Variants in EHMT1 observed in about 807,000 individuals in gnomAD.
EHMT1 encodes the protein euchromatic histone lysine methyltransferase 1, also known as histone-lysine N-methyltransferase EHMT1.
Under a neutral mutation model 147.2 loss-of-function variants are expected in EHMT1, and 15 were observed. The ratio of observed to expected loss-of-function variants is 0.10; its 90% confidence interval spans 0.07 to 0.16. The LOEUF is 0.16. Among genes scored for constraint, EHMT1 ranks in the 10% least tolerant of loss-of-function variants. EHMT1 has a pLI of 1.00. For missense variants in EHMT1, 1,587 were observed against 1,772.4 expected, an observed-to-expected ratio of 0.90 and a Z score of 1.88; for synonymous variants, 795 against 709.6, an observed-to-expected ratio of 1.12 and a Z score of -1.91.
At chr9:137,711,627 T>C (rs893816356) in intron 2 of EHMT1, among the ~76,000 whole-genome samples, 11 of 150,026 alleles carry the variant, frequency 7.3e-5, no homozygotes, top group African/African-American at 2.7e-4. Context: ...AGAGGCAGGG[T>C]GAGGGGAGTT....
chr9:137,725,032 CTTCGTGGGGCA>C lies in EHMT1; in HGVS notation c.643-3305_643-3295del, dbSNP rs371046228. ...GTGTCACATGGGGCAGGCGTGTGGC[CTTCGTGGGGCA>C]TTCGTGGGGCAGGCGTGTGGCATTT... On this transcript the variant is annotated intron_variant, in intron 3 of 26. Coordinates refer to ENST00000460843, the MANE Select transcript of EHMT1 (RefSeq NM_024757.5). 1.8e-3 allele frequency among the ~76,000 whole-genome samples: 215 copies of C among 122,610 alleles called. 2 individuals are homozygous for C. The highest frequency in any genetic ancestry group is 2.7e-3 in the African/African-American group (81 of 29,550). 80.4% of individuals were successfully genotyped at this position (122,610 alleles called of 152,430 possible). A position where few individuals can be genotyped will look rare whatever the true frequency, so the allele number is the denominator to read the frequency against.
intron 9 of EHMT1, among the ~76,000 whole-genome samples, chr9:137,759,828 C>T (rs1183747058): frequency 6.6e-6 from 1 of 152,154 alleles, no homozygotes; most frequent in Non-Finnish European, 1.5e-5. Flanking sequence ...GTCTGGGGCT[C>T]TGGGAGACCT....
chr9:137,769,247 T>C (rs1950443437), intron 10 of EHMT1, among the ~76,000 whole-genome samples: 1 of 146,246 alleles, frequency 6.8e-6, no homozygotes, highest in Non-Finnish European at 1.5e-5. Context: ...ATATTGGCTA[T>C]TATTTTTGCT....
rs980903523 is a variant in EHMT1 at position 137,652,319 on chromosome 9, A to G, written c.21+33270A>G. On this transcript the variant is annotated intron_variant, in intron 1 of 26. Coordinates refer to ENST00000460843, the MANE Select transcript of EHMT1 (RefSeq NM_024757.5). ...ATGTTGCCCAAGCCAGGCTGAAGTC[A>G]TCCTCCTGCCTTGGCCTCCCAAAGT... Among the ~76,000 whole-genome samples the G allele has an allele frequency of 2.6e-5, 4 of 152,290 alleles. No homozygotes were observed. The East Asian group carries it at 7.7e-4, about 29-fold the overall frequency.
At chr9:137,701,479 G>A (rs560992934) in intron 1 of EHMT1, among the ~76,000 whole-genome samples, 17 of 151,602 alleles carry the variant, frequency 1.1e-4, no homozygotes, top group African/African-American at 2.4e-4. Flanking sequence ...TTATTTTGAC[G>A]TGCAGTTTTG....
chr9:137,688,936 A>G (rs1942694588), intron 1 of EHMT1, among the ~76,000 whole-genome samples: 2 of 152,148 alleles, frequency 1.3e-5, no homozygotes, highest in Non-Finnish European at 2.9e-5. Context: ...TTTGTACAAG[A>G]GGAAGTGACT....
intron 3 of EHMT1, 120 bp downstream of exon 3, chr9:137,717,302 C>T (rs1255516395): frequency 2.3e-6 from 3 of 1,309,046 alleles, no homozygotes; most frequent in South Asian, 1.3e-5. Flanking sequence ...CCGACAGGGC[C>T]TATGAGGAGC....
chr9:137,780,921 T>C (rs1345605377), intron 14 of EHMT1, among the ~76,000 whole-genome samples: 17 of 92,816 alleles, frequency 1.8e-4, no homozygotes, highest in East Asian at 7.9e-4. Context: ...GACGCTGAGA[T>C]GTGTGGTGAT....
chr9:137,832,325 TCCA>T (rs1197963116), intron 25 of EHMT1, among the ~76,000 whole-genome samples: 1 of 141,956 alleles, frequency 7.0e-6, no homozygotes, highest in African/African-American at 2.8e-5. Context: ...CTGGGCTCCC[TCCA>T]CAGGCCCCGC....
In EHMT1 at chr9:137,717,624, A is replaced by G. The variant is rs868724548; in HGVS notation, c.642+442A>G. Among the ~76,000 whole-genome samples, 15 of 118,942 alleles carry G rather than the reference A, an allele frequency of 1.3e-4. No homozygotes were observed. The East Asian group carries it at 1.4e-3, about 11-fold the overall frequency. 78.0% of individuals were successfully genotyped at this position (118,942 alleles called of 152,430 possible). ...CTGTCTCAAAAAAAAAAAAAAAAAA[A>G]AAGAGATGCTGCTAATGCCTTGTGC... is the stretch of plus-strand genomic sequence containing the variant. On this transcript the variant is annotated intron_variant, in intron 3 of 26. Coordinates refer to ENST00000460843, the MANE Select transcript of EHMT1 (RefSeq NM_024757.5).
intron 1 of EHMT1, among the ~76,000 whole-genome samples, chr9:137,643,907 T>G (rs1275483502): frequency 6.6e-6 from 1 of 152,232 alleles, no homozygotes; most frequent in African/African-American, 2.4e-5. Flanking sequence ...TTGGGAACTT[T>G]GTGATGAGTA....
At chr9:137,725,499 G>T (rs1182517433) in intron 3 of EHMT1, among the ~76,000 whole-genome samples, 3 of 152,198 alleles carry the variant, frequency 2.0e-5, no homozygotes, top group Non-Finnish European at 4.4e-5. Flanking sequence ...GGCACACAGG[G>T]TTGCTGAGCT....
intron 1 of EHMT1, among the ~76,000 whole-genome samples, chr9:137,619,739 C>T (rs1008140731): frequency 6.6e-6 from 1 of 152,054 alleles, no homozygotes. Flanking sequence ...TGTTAATGGT[C>T]TCGGCCTTCC....
At chr9:137,676,678 A>G (rs1276216974) in intron 1 of EHMT1, among the ~76,000 whole-genome samples, 1 of 152,242 alleles carries the variant, frequency 6.6e-6, no homozygotes, top group African/African-American at 2.4e-5. Flanking sequence ...ACCTGCCCAC[A>G]GGGGACTGGA....
intron 17 of EHMT1, among the ~76,000 whole-genome samples, chr9:137,799,939 G>A (rs887267303): frequency 4.6e-5 from 7 of 152,240 alleles, no homozygotes; most frequent in African/African-American, 1.7e-4. Flanking sequence ...TGGGCTCCAG[G>A]AGGCTGCGCT....
chr9:137,719,062 C>T (rs978396662), intron 3 of EHMT1, among the ~76,000 whole-genome samples: 5 of 152,102 alleles, frequency 3.3e-5, no homozygotes, highest in Non-Finnish European at 5.9e-5. Flanking sequence ...CTGATTAGTT[C>T]TTTTAATTTA....
chr9:137,754,290 C>CGGTAAATGCCGTGGGGGG lies in EHMT1; in HGVS notation c.1369+16_1369+17insGGGTAAATGCCGTGGGGG, dbSNP rs754256447. ...GTAGAAAGAAGCCCAGCGGTGCCCT[C>CGGTAAATGCCGTGGGGGG]GGTAAATGCCGTGGGGGTGTGGGCC... On this transcript the variant is annotated inframe_insertion and splice_region_variant, in exon 8 of 27. Transcript: ENST00000460843. 1.2e-6 allele frequency: 2 copies of CGGTAAATGCCGTGGGGGG among 1,613,770 alleles called. No homozygotes were observed. Among genetic ancestry groups the CGGTAAATGCCGTGGGGGG allele is most frequent in the South Asian group, 2.2e-5 (2 of 91,064 alleles).
intron 22 of EHMT1, among the ~76,000 whole-genome samples, chr9:137,814,988 TGAG>T (rs1954806702): frequency 6.6e-6 from 1 of 151,816 alleles, no homozygotes; most frequent in Non-Finnish European, 1.5e-5. Context: ...TGGAGGCTGC[TGAG>T]GAGGAGACGG....
At chr9:137,761,727 G>T (rs1949836957) in intron 9 of EHMT1, among the ~76,000 whole-genome samples, 2 of 152,178 alleles carry the variant, frequency 1.3e-5, no homozygotes, top group African/African-American at 4.8e-5. Context: ...AAAGTGCTGG[G>T]ATTACAGGCG....
Sources: gnomAD v4.1 joint callset for allele counts (sites outside exome capture counted in the v4.1 genomes callset) on GRCh38, gnomAD v4.1.1 for gene constraint, MANE v1.5 for transcripts, NCBI Gene and HGNC (gene_info 2026-07-23, HGNC 2026-07-21) for gene names.